PIEZO2: variants seen among roughly 807,000 people sequenced by gnomAD.
PIEZO2 encodes the protein piezo type mechanosensitive ion channel component 2, also known as piezo-type mechanosensitive ion channel component 2.
A neutral mutation model predicts 337.3 loss-of-function variants in PIEZO2; 172 were observed. That is an observed-to-expected ratio of 0.51 (90% confidence interval 0.45 to 0.58). PIEZO2 has a LOEUF of 0.58. PIEZO2 is among the 20% of genes least tolerant of loss of function. PIEZO2 has a pLI of 0.00. For missense variants in PIEZO2, 3,028 were observed against 3,391.3 expected (o/e 0.89, Z 2.66); for synonymous variants, 1,251 against 1,228.5 (o/e 1.02, Z -0.38).
chr18:10,997,352 A>T (rs1309493920), intron 2 of PIEZO2, among the ~76,000 whole-genome samples: 3 of 152,204 alleles, frequency 2.0e-5, no homozygotes. Flanking sequence ...AATGTCAAGG[A>T]TATAATCCCA....
chr18:10,792,471 C>G (rs1432792179), intron 13 of PIEZO2, among the ~76,000 whole-genome samples: 1 of 152,190 alleles, frequency 6.6e-6, no homozygotes, highest in African/African-American at 2.4e-5. Flanking sequence ...CACGAATTTA[C>G]TTTTTGTCTC....
In PIEZO2 at chr18:10,794,684, G is replaced by C; in HGVS notation, c.1758+88C>G. On this transcript the variant is annotated intron_variant, in intron 13 of 55. Transcript: ENST00000674853. This position sits in a 1 kb window ranked among gnomAD's most constrained non-coding sequence, Gnocchi z 6.6. ...ACAAAGCAGTGAATATTTGGAACCT[G>C]TTTTTATAAGGTTTCTCTTGGATAC... 1 of 1,081,320 alleles carries C rather than the reference G, an allele frequency of 9.2e-7. No individual in the cohort carries two copies. Among genetic ancestry groups the C allele is most frequent in the South Asian group, 1.7e-5 (1 of 58,784 alleles). The allele number at this position is 1,081,320 out of a possible 1,614,324, so 67.0% of individuals were successfully genotyped here. A position where few individuals can be genotyped will look rare whatever the true frequency, so the allele number is the denominator to read the frequency against.
chr18:11,037,365 C>T (rs1369571419), intron 2 of PIEZO2, among the ~76,000 whole-genome samples: 5 of 152,032 alleles, frequency 3.3e-5, no homozygotes, highest in South Asian at 2.1e-4. Flanking sequence ...GAAATGAAAA[C>T]GTTTATTGTT....
intron 22 of PIEZO2, 84 bp downstream of exon 22, chr18:10,762,838 G>A (rs1022571628): frequency 1.4e-6 from 2 of 1,448,346 alleles, no homozygotes; most frequent in South Asian, 1.4e-5. Flanking sequence ...CAGGCCAAAT[G>A]TGCTTGGGGA....
intron 16 of PIEZO2, among the ~76,000 whole-genome samples, chr18:10,786,808 A>C (rs2039239731): frequency 6.6e-6 from 1 of 152,244 alleles, no homozygotes; most frequent in African/African-American, 2.4e-5. Context: ...CTAACATTAG[A>C]AAATGTCATT....
chr18:10,677,836 A>G lies in PIEZO2; in HGVS notation c.7992T>C (p.Asp2664=), dbSNP rs774144661. 9 of 1,604,940 alleles carry G rather than the reference A, an allele frequency of 5.6e-6. No homozygotes were observed. The African/African-American group carries it at 1.1e-4, about 19-fold the overall frequency. The change falls in exon 53 of 56, where the codon GAT becomes GAC. Residue 2664 remains aspartate, a synonymous_variant. Coordinates refer to ENST00000674853, the MANE Select transcript of PIEZO2 (RefSeq NM_001378183.1). This position sits in a 1 kb window ranked among gnomAD's most constrained non-coding sequence, Gnocchi z 4.1. ...TATTTTTAAGAGGAAAAGAAAGCTT[A>G]TCTGTTGCTATTTCCGATTTTGCAC... ...SLGAKSEIAT[D]KLSFPLKNIT...
chr18:10,682,131 G>T lies in PIEZO2; in HGVS notation c.7659C>A (p.Ser2553=), dbSNP rs1336043696. 3 of 1,537,004 alleles carry T rather than the reference G, an allele frequency of 2.0e-6. No individual in the cohort carries two copies. Among genetic ancestry groups the T allele is most frequent in the Non-Finnish European group, 1.7e-6 (2 of 1,146,804 alleles). The change falls in exon 50 of 56, where the codon TCC becomes TCA. Residue 2553 remains serine (S), a synonymous_variant. Coordinates refer to ENST00000674853, the MANE Select transcript of PIEZO2 (RefSeq NM_001378183.1). This position sits in a 1 kb window ranked among gnomAD's most constrained non-coding sequence, Gnocchi z 5.6. ...GATACCCTCCCAGGGTAATTGTGAC[G>T]GAGACGTCCAGGGGCTGGTTGATGA... The part of the protein sequence containing the change: ...AGVINQPLDV[S]VTITLGGYQP...
intron 10 of PIEZO2, 34 bp from the exon 11 acceptor site, chr18:10,800,509 C>A: frequency 1.3e-6 from 2 of 1,503,636 alleles, no homozygotes; most frequent in Non-Finnish European, 1.8e-6. Flanking sequence ...ACAACTGTTA[C>A]AGCAGCTCTG....
intron 1 of PIEZO2, among the ~76,000 whole-genome samples, chr18:11,100,886 T>A (rs35350987): frequency 6.6e-6 from 1 of 152,074 alleles, no homozygotes; most frequent in Non-Finnish European, 1.5e-5. Context: ...TGAGCCACCG[T>A]GCCTGGCCCA....
chr18:10,798,388 TC>T (rs2039686678), intron 11 of PIEZO2, among the ~76,000 whole-genome samples: 1 of 152,206 alleles, frequency 6.6e-6, no homozygotes, highest in Non-Finnish European at 1.5e-5. Context: ...TGCATACTAC[TC>T]CACATGGGCT....
intron 2 of PIEZO2, among the ~76,000 whole-genome samples, chr18:11,049,924 C>A (rs2037463872): frequency 6.6e-6 from 1 of 152,150 alleles, no homozygotes; most frequent in Admixed American, 6.5e-5. Context: ...TTTTAGATAA[C>A]ACTTATTGTA....
At position 10,855,605 on chromosome 18, in the gene PIEZO2, T is replaced by C; in HGVS notation, c.704-39A>G. 7.0e-7 allele frequency: 1 copy of C among 1,432,076 alleles called. No homozygotes were observed. The highest frequency in any genetic ancestry group is 9.5e-7 in the Non-Finnish European group (1 of 1,056,226). The allele number at this position is 1,432,076 out of a possible 1,614,324, so 88.7% of individuals were successfully genotyped here. On this transcript the variant is annotated intron_variant, in intron 6 of 55. Coordinates refer to ENST00000674853, the MANE Select transcript of PIEZO2 (RefSeq NM_001378183.1). The surrounding 1 kb of genome is among the most constrained non-coding windows in gnomAD (Gnocchi z 4.9). ...ACGTAATCACAAAGTCAGGTAGAAC[T>C]GGAAATTCACTTATCATTCAGTGAA...
chr18:10,723,070 C>G (rs11664017), intron 36 of PIEZO2, among the ~76,000 whole-genome samples: 38,403 of 148,488 alleles, frequency 0.26, 5,569 homozygotes, highest in Non-Finnish European at 0.33. Flanking sequence ...CGGATTCAAG[C>G]GATTCTCCTA....
At chr18:10,757,856 G>A in intron 27 of PIEZO2, 113 bp downstream of exon 27, 5 of 1,134,894 alleles carry the variant, frequency 4.4e-6, no homozygotes, top group East Asian at 2.6e-5. Flanking sequence ...TAACTTCAGT[G>A]TATACAATTC....
At position 10,954,973 on chromosome 18, in the gene PIEZO2, C is replaced by T. The variant is rs1032038279; in HGVS notation, c.286+24562G>A. Reference sequence around the variant, plus strand: ...CATCAAAAATTGCTGCCAGTCAATACATAGAAGGAAACAAAGGGAATAGGG... The same window carrying T: ...CATCAAAAATTGCTGCCAGTCAATATATAGAAGGAAACAAAGGGAATAGGG... On this transcript the variant is annotated intron_variant, in intron 3 of 55. Coordinates refer to ENST00000674853, the MANE Select transcript of PIEZO2 (RefSeq NM_001378183.1). This position sits in a 1 kb window ranked among gnomAD's most constrained non-coding sequence, Gnocchi z 4.2. 3.3e-5 allele frequency among the ~76,000 whole-genome samples: 5 copies of T among 151,390 alleles called. No individual in the cohort carries two copies. Among genetic ancestry groups the T allele is most frequent in the African/African-American group, 1.2e-4 (5 of 41,088 alleles).
chr18:10,790,991 A>T (rs1483295136), intron 14 of PIEZO2, among the ~76,000 whole-genome samples: 1 of 152,204 alleles, frequency 6.6e-6, no homozygotes, highest in Non-Finnish European at 1.5e-5. Flanking sequence ...GGCGCGAGCC[A>T]CGGCGCCCGG....
At chr18:11,136,317 T>C (rs1010083867) in intron 1 of PIEZO2, among the ~76,000 whole-genome samples, 6 of 152,236 alleles carry the variant, frequency 3.9e-5, no homozygotes, top group African/African-American at 1.4e-4. Flanking sequence ...TTGTGGTTGT[T>C]AGTGAAAAAT....
At chr18:11,115,150 G>A (rs2039852482) in intron 1 of PIEZO2, among the ~76,000 whole-genome samples, 1 of 152,176 alleles carries the variant, frequency 6.6e-6, no homozygotes, top group Non-Finnish European at 1.5e-5. Flanking sequence ...TGACAGTTTG[G>A]TTATAGACAG....
At chr18:11,057,624 G>T (rs2037778062) in intron 2 of PIEZO2, among the ~76,000 whole-genome samples, 1 of 152,202 alleles carries the variant, frequency 6.6e-6, no homozygotes, top group African/African-American at 2.4e-5. Flanking sequence ...CAGGGCCGCA[G>T]ATAGCTCCCT....
Sources: gnomAD v4.1 joint callset for allele counts (sites outside exome capture counted in the v4.1 genomes callset) on GRCh38, gnomAD v4.1.1 for gene constraint, Gnocchi (gnomAD v3.1) non-coding constraint, MANE v1.5 for transcripts, NCBI Gene and HGNC (gene_info 2026-07-23, HGNC 2026-07-21) for gene names.